The following CUL4B variants were observed in gnomAD, a reference collection of about 807,000 sequenced individuals.
CUL4B encodes cullin-4B.
Under a neutral mutation model 69.2 loss-of-function variants are expected in CUL4B, and 1 was observed. The observed-to-expected ratio is 0.01, with a 90% CI of 0.01 to 0.07. CUL4B has a LOEUF of 0.07. CUL4B is among the 10% of genes least tolerant of loss of function. CUL4B has a pLI of 1.00. For missense variants in CUL4B, 328 were observed against 638.8 expected (o/e 0.51, Z 5.24); for synonymous variants, 237 against 223.2 (o/e 1.06, Z -0.55).
At chrX:120,566,407 T>C (rs1280026745), upstream of CUL4B, among the ~76,000 whole-genome samples, 1 of 77,416 alleles carries the variant, frequency 1.3e-5, no homozygotes, top group Non-Finnish European at 2.5e-5. Context: ...ATATTTGGGT[T>C]TTTTTTTGAG....
Position 120,529,976 on chromosome X carries a change from G to A in CUL4B, c.2592+126C>T, listed in dbSNP as rs1041898392. On this transcript the variant is annotated intron_variant, in intron 19 of 19. Coordinates refer to ENST00000371322, the MANE Select transcript of CUL4B (RefSeq NM_001079872.2). ...TTTGGAAATCATATGCATCAACATG[G>A]GAAATTAAAACTTTTCTCTCTCTAA... The A allele has an allele frequency of 7.0e-6, 5 of 718,604 alleles. No homozygotes were observed. The African/African-American group carries it at 8.7e-5, about 13-fold the overall frequency. 59.2% of individuals were successfully genotyped at this position (718,604 alleles called of 1,213,427 possible). A position where few individuals can be genotyped will look rare whatever the true frequency, so the allele number is the denominator to read the frequency against.
At chrX:120,556,997 T>C (rs996363526) in intron 2 of CUL4B, among the ~76,000 whole-genome samples, 38 of 108,513 alleles carry the variant, frequency 3.5e-4, no homozygotes, top group African/African-American at 1.2e-3. Flanking sequence ...CCGCAACCTC[T>C]ACCTCCTGGG....
intron 2 of CUL4B, among the ~76,000 whole-genome samples, chrX:120,574,007 A>T (rs1229350757): frequency 9.2e-6 from 1 of 108,997 alleles, no homozygotes; most frequent in Admixed American, 9.8e-5. Context: ...GTGTATTTTT[A>T]GTAGAGACGG....
At chrX:120,543,081 G>T in intron 8 of CUL4B, 48 bp from the exon 9 acceptor site, 2 of 882,977 alleles carry the variant, frequency 2.3e-6, no homozygotes, top group Non-Finnish European at 3.3e-6. Flanking sequence ...TTGACTTCCA[G>T]AAAATGTAAA....
intron 18 of CUL4B, 84 bp from the exon 19 acceptor site, chrX:120,530,338 C>T: frequency 1.1e-6 from 1 of 907,452 alleles, no homozygotes; most frequent in Non-Finnish European, 1.6e-6. Flanking sequence ...AGGGACATGA[C>T]ATTGTTATTG....
rs932254179 is a variant in CUL4B at position 120,546,684 on chromosome X, A to G, written c.777-68T>C. 8 of 778,990 alleles carry G rather than the reference A, an allele frequency of 1.0e-5. No homozygotes were observed. The African/African-American group carries it at 1.2e-4, about 12-fold the overall frequency. The allele number at this position is 778,990 out of a possible 1,213,427, so 64.2% of individuals were successfully genotyped here. The stretch of plus-strand genomic sequence containing the variant: ...TCATATGTGCCATGTGACAGAGAGC[A>G]TATTAGTCTTAAACATGAATACCTT... On this transcript the variant is annotated intron_variant, in intron 3 of 19. Coordinates refer to ENST00000371322, the MANE Select transcript of CUL4B (RefSeq NM_001079872.2).
At chrX:120,561,822 T>C (rs1200623661), upstream of CUL4B, among the ~76,000 whole-genome samples, 3 of 111,001 alleles carry the variant, frequency 2.7e-5, no homozygotes, top group Admixed American at 2.9e-4. Flanking sequence ...AATGTCCCTA[T>C]GTTAAGATAG....
At chrX:120,546,684 A>AT in intron 3 of CUL4B, 68 bp from the exon 4 acceptor site, 1 of 780,933 alleles carries the variant, frequency 1.3e-6, no homozygotes, top group African/African-American at 2.0e-5. Flanking sequence ...GACAGAGAGC[A>AT]TATTAGTCTT....
At chrX:120,549,938 TC>T in intron 2 of CUL4B, among the ~76,000 whole-genome samples, 2 of 111,977 alleles carry the variant, frequency 1.8e-5, no homozygotes, top group Middle Eastern at 4.6e-3. Context: ...ATTGTGCACT[TC>T]CGGTACTTCT....
chrX:120,534,509 T>C lies in CUL4B; in HGVS notation c.2238A>G (p.Leu746=). ...LMFNEGEEFS[L]EEIKQATGIE... is the part of the protein sequence containing the mutation. ...TTCCAGTTGCCTGCTTGATCTCTTC[T>C]AAACTGAACTCCTCTCCCTCATTAA... The change falls in exon 17 of 20, where the codon TTA becomes TTG. Residue 746 remains leucine, a synonymous_variant. Coordinates refer to ENST00000371322, the MANE Select transcript of CUL4B (RefSeq NM_001079872.2). 8.3e-7 allele frequency: 1 copy of C among 1,207,333 alleles called. No homozygotes were observed. The highest frequency in any genetic ancestry group is 1.8e-5 in the South Asian group (1 of 56,908).
intron 1 of CUL4B, chrX:120,574,635 G>C: frequency 3.4e-6 from 4 of 1,163,626 alleles, no homozygotes; most frequent in Non-Finnish European, 4.7e-6. Flanking sequence ...TTGGGTCTAC[G>C]ATAGAAAACA....
chrX:120,543,525 CA>C (rs1569391332), intron 8 of CUL4B, among the ~76,000 whole-genome samples: 14 of 109,511 alleles, frequency 1.3e-4, no homozygotes, highest in South Asian at 1.1e-3. Flanking sequence ...CACACACACA[CA>C]CACACACCCC....
At chrX:120,568,072 A>G (rs1286527603), downstream of CUL4B, among the ~76,000 whole-genome samples, 1 of 111,679 alleles carries the variant, frequency 9.0e-6, no homozygotes, top group African/African-American at 3.3e-5. Context: ...ATCCTTTTTT[A>G]AAGTGCAAAT....
intron 2 of CUL4B, among the ~76,000 whole-genome samples, chrX:120,548,155 T>G (rs1055863590): frequency 3.6e-5 from 4 of 111,366 alleles, no homozygotes; most frequent in Non-Finnish European, 1.9e-5. Context: ...GTACCTGTAG[T>G]TCCAGCTATT....
upstream of CUL4B, chrX:120,561,442 G>A (rs367762561): frequency 4.1e-5 from 20 of 483,663 alleles, no homozygotes; most frequent in African/African-American, 7.7e-5. Flanking sequence ...GGACTTGAGT[G>A]GGGGGGGGAA....
chrX:120,539,431 CTA>C, intron 11 of CUL4B, 59 bp from the exon 12 acceptor site: 1 of 619,958 alleles, frequency 1.6e-6, no homozygotes, highest in South Asian at 2.8e-5. Context: ...GTACTGGGCA[CTA>C]TATATACCCA....
At chrX:120,560,997 C>T (rs2147351142), upstream of CUL4B, 1 of 961,337 alleles carries the variant, frequency 1.0e-6, no homozygotes, top group East Asian at 5.0e-5. Flanking sequence ...TTCTCCCTCT[C>T]CCTGGGAGGG....
chrX:120,538,293 A>G (rs1311810801), intron 13 of CUL4B, 84 bp from the exon 14 acceptor site: 4 of 609,104 alleles, frequency 6.6e-6, no homozygotes, highest in Middle Eastern at 4.3e-4. Flanking sequence ...GAAATACAAA[A>G]CTTTAGTATG....
intron 5 of CUL4B, among the ~76,000 whole-genome samples, chrX:120,544,851 T>C (rs934905151): frequency 1.8e-5 from 2 of 112,570 alleles, no homozygotes; most frequent in East Asian, 2.8e-4. Flanking sequence ...TTACTGAGAA[T>C]TGAAGCTAAA....
Sources: gnomAD v4.1 joint callset for allele counts (sites outside exome capture counted in the v4.1 genomes callset) on GRCh38, gnomAD v4.1.1 for gene constraint, MANE v1.5 for transcripts, NCBI Gene and HGNC (gene_info 2026-07-23, HGNC 2026-07-21) for gene names.